Variants in ERBB4 observed in about 807,000 individuals in gnomAD.
The protein encoded by ERBB4 is receptor tyrosine-protein kinase erbB-4.
In ERBB4, 42 loss-of-function variants were observed where a neutral mutation model predicts 158.0. The observed-to-expected ratio is 0.27, with a 90% CI of 0.21 to 0.34. ERBB4 has a LOEUF of 0.34. ERBB4 is among the 10% of genes least tolerant of loss of function. ERBB4 has a pLI of 1.00. For missense variants in ERBB4, 1,333 were observed against 1,624.1 expected (o/e 0.82, Z 3.08); for synonymous variants, 583 against 558.7 (o/e 1.04, Z -0.61).
intron 1 of ERBB4, among the ~76,000 whole-genome samples, chr2:212,205,924 C>A (rs1261159553): frequency 1.3e-5 from 2 of 152,180 alleles, no homozygotes; most frequent in Admixed American, 6.5e-5. Context: ...GTAATCTTAA[C>A]ATCCAAAAAG....
At chr2:212,080,237 C>T (rs1338696402) in intron 2 of ERBB4, among the ~76,000 whole-genome samples, 1 of 151,542 alleles carries the variant, frequency 6.6e-6, no homozygotes, top group Non-Finnish European at 1.5e-5. Flanking sequence ...CGTTTGAACC[C>T]GGGAAGCGGA....
intron 1 of ERBB4, among the ~76,000 whole-genome samples, chr2:212,406,116 G>C (rs1372363360): frequency 6.6e-6 from 1 of 152,024 alleles, no homozygotes; most frequent in African/African-American, 2.4e-5. Flanking sequence ...ATCAATTTTT[G>C]TCTCTATTTC....
At chr2:211,593,024 AGAAGGGCCCTTCT>A (rs1484900586) in intron 19 of ERBB4, among the ~76,000 whole-genome samples, 3 of 150,892 alleles carry the variant, frequency 2.0e-5, no homozygotes, top group African/African-American at 7.3e-5. Context: ...AAAAAAAAAA[AGAAGGGCCCTTCT>A]GCACACTGAA....
At position 211,619,283 on chromosome 2, in the gene ERBB4, GA is replaced by G. The variant is rs761151400; in HGVS notation, c.2203-9del. On this transcript the variant is annotated splice_polypyrimidine_tract_variant and intron_variant, in intron 18 of 27. Transcript: ENST00000342788. ...TTCAGGTACCCAAATACCCTTTGGG[GA>G]AAAAAATTTACATTAAATATGACAT... The G allele has an allele frequency of 1.0e-5, 16 of 1,528,710 alleles. No homozygotes were observed. The highest frequency in any genetic ancestry group is 1.7e-5 in the Admixed American group (1 of 59,654). 94.7% of individuals were successfully genotyped at this position (1,528,710 alleles called of 1,614,324 possible). A position where few individuals can be genotyped will look rare whatever the true frequency, so the allele number is the denominator to read the frequency against.
chr2:212,228,654 A>G (rs2083559057), intron 1 of ERBB4, among the ~76,000 whole-genome samples: 1 of 152,026 alleles, frequency 6.6e-6, no homozygotes. Flanking sequence ...GATAAAAAAA[A>G]TATATAAACA....
chr2:211,816,394 A>G (rs1305195429), intron 3 of ERBB4, among the ~76,000 whole-genome samples: 1 of 151,762 alleles, frequency 6.6e-6, no homozygotes, highest in Non-Finnish European at 1.5e-5. Flanking sequence ...TACAAAAATT[A>G]GCTGGATGTG....
At chr2:211,576,841 T>C (rs1466250840) in intron 19 of ERBB4, among the ~76,000 whole-genome samples, 1 of 152,126 alleles carries the variant, frequency 6.6e-6, no homozygotes, top group Non-Finnish European at 1.5e-5. Flanking sequence ...AAAAGCTGTG[T>C]TCAGAAGAAA....
intron 20 of ERBB4, among the ~76,000 whole-genome samples, chr2:211,449,592 G>A (rs1284985915): frequency 6.6e-6 from 1 of 152,138 alleles, no homozygotes; most frequent in Non-Finnish European, 1.5e-5. Context: ...CATACCATCT[G>A]TGAAGAAATG....
chr2:212,282,643 C>T (rs988875096), intron 1 of ERBB4, among the ~76,000 whole-genome samples: 7 of 151,856 alleles, frequency 4.6e-5, no homozygotes, highest in Non-Finnish European at 8.8e-5. Context: ...GGTTTTCCAG[C>T]TTGGCTAACC....
At chr2:211,392,951 G>A (rs147853300) in intron 25 of ERBB4, among the ~76,000 whole-genome samples, 569 of 152,098 alleles carry the variant, frequency 3.7e-3, no homozygotes, top group African/African-American at 0.013. Flanking sequence ...CACCGCGCCC[G>A]GCTGGCTCTC....
At chr2:212,404,626 T>C (rs2091295269) in intron 1 of ERBB4, among the ~76,000 whole-genome samples, 1 of 151,888 alleles carries the variant, frequency 6.6e-6, no homozygotes, top group South Asian at 2.1e-4. Flanking sequence ...AGCTGGAAAG[T>C]GTGCATTTGT....
In ERBB4 at chr2:212,357,478, T is replaced by C. The variant is rs553787557; in HGVS notation, c.82+180971A>G. ...ATTATTATAGGTAAATTATGGTAAATAGGCAAAAGGTAATTCAGCAGAAAT... is the reference window on the plus strand; with the variant it reads ...ATTATTATAGGTAAATTATGGTAAACAGGCAAAAGGTAATTCAGCAGAAAT... On this transcript the variant is annotated intron_variant, in intron 1 of 27. Transcript: ENST00000342788. 5.8e-4 allele frequency among the ~76,000 whole-genome samples: 88 copies of C among 151,962 alleles called. 1 individual carries two copies. Among genetic ancestry groups the C allele is most frequent in the Non-Finnish European group, 8.0e-4 (54 of 67,896 alleles).
At chr2:212,293,515 C>T (rs975422450) in intron 1 of ERBB4, among the ~76,000 whole-genome samples, 2 of 151,994 alleles carry the variant, frequency 1.3e-5, no homozygotes, top group African/African-American at 4.8e-5. Context: ...CAATTTTCTT[C>T]ACATCTCAAT....
At chr2:212,372,388 T>C (rs1414078480) in intron 1 of ERBB4, among the ~76,000 whole-genome samples, 1 of 152,134 alleles carries the variant, frequency 6.6e-6, no homozygotes, top group Non-Finnish European at 1.5e-5. Flanking sequence ...CTAAGACAAT[T>C]AACCCCTTGT....
chr2:212,059,543 T>C (rs1461599612), intron 2 of ERBB4, among the ~76,000 whole-genome samples: 1 of 152,140 alleles, frequency 6.6e-6, no homozygotes, highest in Non-Finnish European at 1.5e-5. Context: ...TGTCAAACTA[T>C]ACTACAAGGC....
intron 1 of ERBB4, among the ~76,000 whole-genome samples, chr2:212,356,490 T>C (rs1389983708): frequency 6.6e-6 from 1 of 152,000 alleles, no homozygotes; most frequent in African/African-American, 2.4e-5. Context: ...CTCCTCCCAA[T>C]GGCAAATTAC....
rs114755402 is a variant in ERBB4 at position 212,038,521 on chromosome 2, C to T, written c.234+86231G>A. 2.8e-3 allele frequency among the ~76,000 whole-genome samples: 432 copies of T among 152,222 alleles called. 2 individuals carry two copies. Among genetic ancestry groups the T allele is most frequent in the African/African-American group, 9.9e-3 (410 of 41,550 alleles). ...GTTCAAAAATGTATGTCTAAAATATCTCTACCTAAGACATTTTTTTCTTTT... is the reference window on the plus strand; with the variant it reads ...GTTCAAAAATGTATGTCTAAAATATTTCTACCTAAGACATTTTTTTCTTTT... On this transcript the variant is annotated intron_variant, in intron 2 of 27. Coordinates refer to ENST00000342788, the MANE Select transcript of ERBB4 (RefSeq NM_005235.3).
chr2:211,571,373 T>C (rs2067724823), intron 19 of ERBB4, among the ~76,000 whole-genome samples: 1 of 152,198 alleles, frequency 6.6e-6, no homozygotes, highest in Non-Finnish European at 1.5e-5. Context: ...TTTTTGTGGT[T>C]TGTCATGATT....
chr2:212,074,875 C>T (rs575588271), intron 2 of ERBB4, among the ~76,000 whole-genome samples: 2 of 152,066 alleles, frequency 1.3e-5, no homozygotes, highest in South Asian at 2.1e-4. Context: ...GCCTTAGTCT[C>T]CTTTCCTCTA....
Sources: gnomAD v4.1 joint callset for allele counts (sites outside exome capture counted in the v4.1 genomes callset) on GRCh38, gnomAD v4.1.1 for gene constraint, MANE v1.5 for transcripts, NCBI Gene and HGNC (gene_info 2026-07-23, HGNC 2026-07-21) for gene names.